PHKA2: variants seen among roughly 807,000 people sequenced by gnomAD.
The protein encoded by PHKA2 is phosphorylase kinase regulatory subunit alpha 2, also known as phosphorylase b kinase regulatory subunit alpha, liver isoform.
PHKA2 carries 31 observed loss-of-function variants against 102.0 expected under a neutral mutation model. The ratio of observed to expected loss-of-function variants is 0.30; its 90% confidence interval spans 0.23 to 0.41. The LOEUF (loss-of-function observed/expected upper bound fraction) is 0.41, where lower values mean the gene tolerates loss of function less well. Ranked by LOEUF, PHKA2 falls within the 10% of genes least tolerant of loss-of-function variation. PHKA2 has a pLI of 1.00. For missense variants in PHKA2, 858 were observed against 1,023.1 expected, an observed-to-expected ratio of 0.84 and a Z score of 2.20; for synonymous variants, 455 against 416.2, an observed-to-expected ratio of 1.09 and a Z score of -1.13.
Position 18,936,085 on chromosome X carries a change from C to A in PHKA2, c.1107G>T (p.Val369=). The A allele has an allele frequency of 8.3e-7, 1 of 1,208,963 alleles. No homozygotes were observed. Among genetic ancestry groups the A allele is most frequent in the South Asian group, 1.8e-5 (1 of 56,824 alleles). ...LIRGKNGIRL[V]PELYAVPPNK... ...TAGGCGGGACAGCGTAGAGTTCAGG[C>A]ACCAGGCGGATCCCATTCTTGCCTC... Residue 369 remains valine, a synonymous_variant, in exon 11 of 33, where the codon GTG becomes GTT. Coordinates refer to ENST00000379942, the MANE Select transcript of PHKA2 (RefSeq NM_000292.3).
intron 1 of PHKA2, among the ~76,000 whole-genome samples, chrX:18,975,063 T>C (rs1030746360): frequency 9.0e-5 from 10 of 111,073 alleles, no homozygotes; most frequent in African/African-American, 3.3e-4. Flanking sequence ...ACTCCCACAT[T>C]TCTGTCTCTA....
intron 13 of PHKA2, 24 bp from the exon 14 acceptor site, chrX:18,926,611 G>A: frequency 8.3e-7 from 1 of 1,202,109 alleles, no homozygotes; most frequent in East Asian, 3.0e-5. Flanking sequence ...CACAGAATGA[G>A]CGTTAGCTCA....
intron 18 of PHKA2, among the ~76,000 whole-genome samples, 181 bp downstream of exon 18, chrX:18,919,851 C>G (rs1284962416): frequency 9.0e-6 from 1 of 110,844 alleles, no homozygotes; most frequent in Non-Finnish European, 1.9e-5. Flanking sequence ...TTTGCAGTTT[C>G]GGTTTTTAAA....
At chrX:18,949,753 A>G (rs188041946) in intron 4 of PHKA2, among the ~76,000 whole-genome samples, 2 of 112,804 alleles carry the variant, frequency 1.8e-5, no homozygotes, top group East Asian at 5.6e-4. Context: ...AGATGCAGCC[A>G]AATGAAAGTT....
At position 18,926,534 on chromosome X, in the gene PHKA2, C is replaced by T; in HGVS notation, c.1378G>A (p.Val460Met). Residue 460 changes from valine (V) to methionine (M), a missense_variant, in exon 14 of 33, where the codon GTG becomes ATG. Transcript: ENST00000379942. ...HIKDLLRKHG[V>M]NVQSIADIHP... ...ATGTCCGCGATACTCTGGACGTTCACCCCGTGTTTCCTCAATAAGTCCTTA... is the reference window on the plus strand; with the variant it reads ...ATGTCCGCGATACTCTGGACGTTCATCCCGTGTTTCCTCAATAAGTCCTTA... The T allele has an allele frequency of 8.3e-7, 1 of 1,201,966 alleles. No homozygotes were observed. The highest frequency in any genetic ancestry group is 1.1e-6 in the Non-Finnish European group (1 of 886,387).
chrX:18,917,260 CT>C (rs745473312), intron 19 of PHKA2, among the ~76,000 whole-genome samples: 1,516 of 96,225 alleles, frequency 0.016, 5 homozygotes, highest in African/African-American at 0.023. Flanking sequence ...AAAAAAATGT[CT>C]TTTTTTTTTT....
chrX:18,931,442 C>T (rs997988337), intron 12 of PHKA2, among the ~76,000 whole-genome samples, 199 bp downstream of exon 12: 1 of 111,622 alleles, frequency 9.0e-6, no homozygotes, highest in Non-Finnish European at 1.9e-5. Context: ...CCTCATGGAC[C>T]TGAGCTGGTT....
At chrX:18,900,602 G>T in intron 28 of PHKA2, 68 bp downstream of exon 28, 2 of 1,014,627 alleles carry the variant, frequency 2.0e-6, no homozygotes, top group Non-Finnish European at 2.8e-6. Context: ...CGGAGTCACA[G>T]CCTCACTTTC....
chrX:18,945,522 T>C (rs894291413), intron 5 of PHKA2, among the ~76,000 whole-genome samples: 2 of 112,612 alleles, frequency 1.8e-5, no homozygotes, highest in African/African-American at 3.2e-5. Flanking sequence ...ACTTATATTA[T>C]GTTGTAAAAT....
chrX:18,918,825 T>C lies in PHKA2; in HGVS notation c.1993A>G (p.Asn665Asp). The C allele has an allele frequency of 1.7e-6, 2 of 1,210,903 alleles. No homozygotes were observed. Among genetic ancestry groups the C allele is most frequent in the Non-Finnish European group, 2.2e-6 (2 of 895,054 alleles). Residue 665 changes from asparagine (N) to aspartate (D), a missense_variant, in exon 19 of 33, where the codon AAC (asparagine) becomes GAC (aspartate). By Grantham distance (23) the Asn-to-Asp change is conservative. This residue lies in a region of PHKA2 where 671 missense variants were observed against 745.2 expected (regional missense o/e 0.90). Transcript: ENST00000379942. ...ESQDELDHYINHLLQSTSLRS... is the reference protein window; with the variant it reads ...ESQDELDHYIDHLLQSTSLRS... ...AACGATGTGCTTTGCAGAAGGTGGT[T>C]GATATAATGGTCAAGTTCGTCTTGG...
chrX:18,962,987 C>T (rs1232102937), intron 1 of PHKA2, among the ~76,000 whole-genome samples: 1 of 112,580 alleles, frequency 8.9e-6, no homozygotes, highest in Admixed American at 9.4e-5. Flanking sequence ...CTTCAAAGAG[C>T]TGAAAGGTTG....
At chrX:18,937,890 G>C (rs776981047) in intron 10 of PHKA2, among the ~76,000 whole-genome samples, 3 of 112,308 alleles carry the variant, frequency 2.7e-5, no homozygotes, top group African/African-American at 6.5e-5. Context: ...ATTCGAGTGA[G>C]GAGGCTGTTA....
At chrX:18,909,017 T>C (rs2047876062) in intron 20 of PHKA2, 83 bp from the exon 21 acceptor site, 2 of 1,120,771 alleles carry the variant, frequency 1.8e-6, no homozygotes, top group Non-Finnish European at 2.5e-6. Flanking sequence ...ACCAATCTGG[T>C]CTTGGAACTC....
intron 19 of PHKA2, among the ~76,000 whole-genome samples, chrX:18,916,541 T>G (rs913603564): frequency 8.9e-6 from 1 of 112,131 alleles, no homozygotes; most frequent in African/African-American, 3.2e-5. Context: ...TGGGAGGTGT[T>G]TGGATCATGG....
chrX:18,972,919 C>T (rs950481656), intron 1 of PHKA2, among the ~76,000 whole-genome samples: 3 of 112,243 alleles, frequency 2.7e-5, no homozygotes, highest in African/African-American at 9.7e-5. Flanking sequence ...AATCTTTCCC[C>T]AATACATTAC....
intron 1 of PHKA2, among the ~76,000 whole-genome samples, chrX:18,973,916 C>T (rs1468782285): frequency 9.0e-6 from 1 of 111,561 alleles, no homozygotes; most frequent in Non-Finnish European, 1.9e-5. Flanking sequence ...TCCTAAAGGA[C>T]TGTTTCGTAC....
intron 1 of PHKA2, among the ~76,000 whole-genome samples, chrX:18,976,405 A>G (rs1367240568): frequency 4.5e-5 from 5 of 111,988 alleles, no homozygotes; most frequent in Non-Finnish European, 7.5e-5. Flanking sequence ...AGGTCTAATC[A>G]GGATTTAATT....
rs756969441 is a variant in PHKA2 at position 18,942,101 on chromosome X, AGT to A, written c.718-428_718-427del. Among the ~76,000 whole-genome samples the A allele has an allele frequency of 3.6e-5, 4 of 112,305 alleles. No individual in the cohort carries two copies. The Admixed American group carries it at 3.8e-4, about 11-fold the overall frequency. ...TGTCTGGCTTCTGTGGAATGTGACC[AGT>A]TGGACTGGGTGATCCAGAAACCACT... On this transcript the variant is annotated intron_variant, in intron 7 of 32. Transcript: ENST00000379942.
chrX:18,897,503 AC>A lies in PHKA2; in HGVS notation c.3112-171del. 3 of 466,637 alleles carry A rather than the reference AC, an allele frequency of 6.4e-6. No individual in the cohort carries two copies. In the East Asian group the frequency reaches 1.1e-4, roughly 17 times the overall value. The allele number at this position is 466,637 out of a possible 1,213,427, so 38.5% of individuals were successfully genotyped here. The stretch of plus-strand genomic sequence containing the variant: ...CTTGTCTGTTTCCTCATGTGAGATG[AC>A]TCGCATACTTTGGGTTGATCACTTC... On this transcript the variant is annotated intron_variant, in intron 29 of 32. Transcript: ENST00000379942.
Sources: gnomAD v4.1 joint callset for allele counts (sites outside exome capture counted in the v4.1 genomes callset) on GRCh38, gnomAD v4.1.1 for gene constraint, gnomAD v4.1.1 regional missense constraint, MANE v1.5 for transcripts, NCBI Gene and HGNC (gene_info 2026-07-23, HGNC 2026-07-21) for gene names.